Variants in CCSER1 observed in about 807,000 individuals in gnomAD.
The protein encoded by CCSER1 is serine-rich coiled-coil domain-containing protein 1.
A neutral mutation model predicts 82.0 loss-of-function variants in CCSER1; 41 were observed. The ratio of observed to expected loss-of-function variants is 0.50; its 90% CI spans 0.39 to 0.65. The LOEUF (loss-of-function observed/expected upper bound fraction) is 0.65. Ranked by LOEUF, CCSER1 falls within the 30% of genes least tolerant of loss-of-function variation. The probability of loss-of-function intolerance (pLI) is 0.00; values close to 1 mark genes in which losing one functional copy is unlikely to be tolerated. For missense variants in CCSER1, 1,119 were observed against 1,064.2 expected (o/e 1.05, Z -0.72); for synonymous variants, 414 against 383.9 (o/e 1.08, Z -0.92).
chr4:90,371,233 A>G (rs904608716), intron 3 of CCSER1, among the ~76,000 whole-genome samples: 1 of 152,208 alleles, frequency 6.6e-6, no homozygotes, highest in African/African-American at 2.4e-5. Flanking sequence ...CAAGAAATTC[A>G]GTATCCTTCC....
At chr4:90,273,130 G>A (rs1726895059) in intron 1 of CCSER1, among the ~76,000 whole-genome samples, 1 of 152,118 alleles carries the variant, frequency 6.6e-6, no homozygotes, top group Admixed American at 6.6e-5. Flanking sequence ...AACTTTGCAT[G>A]TTCTCACTTA....
intron 9 of CCSER1, among the ~76,000 whole-genome samples, chr4:91,026,061 C>A (rs1740462496): frequency 6.6e-6 from 1 of 152,048 alleles, no homozygotes; most frequent in Admixed American, 6.6e-5. Context: ...TGTAAATTGA[C>A]CATGGAAGGC....
intron 3 of CCSER1, among the ~76,000 whole-genome samples, chr4:90,324,594 C>T (rs1035238251): frequency 2.3e-4 from 34 of 150,340 alleles, no homozygotes; most frequent in South Asian, 4.3e-4. Context: ...GAGTAGGTTG[C>T]GAAAATTTTC....
intron 10 of CCSER1, among the ~76,000 whole-genome samples, chr4:91,534,339 A>G (rs1210447980): frequency 1.3e-5 from 2 of 152,036 alleles, no homozygotes; most frequent in African/African-American, 4.8e-5. Flanking sequence ...AACCTAAGTT[A>G]TAATGGTTTT....
chr4:90,753,212 A>G (rs987741609), intron 7 of CCSER1, among the ~76,000 whole-genome samples: 3 of 152,118 alleles, frequency 2.0e-5, no homozygotes, highest in African/African-American at 7.2e-5. Context: ...TAATGGTGTA[A>G]GGATCCTTTG....
At chr4:91,098,897 A>C (rs1271638468) in intron 10 of CCSER1, among the ~76,000 whole-genome samples, 1 of 152,170 alleles carries the variant, frequency 6.6e-6, no homozygotes, top group Non-Finnish European at 1.5e-5. Context: ...CCAAGACTAG[A>C]ACTAAAATTG....
At chr4:90,917,311 T>A (rs1727619666) in intron 8 of CCSER1, among the ~76,000 whole-genome samples, 1 of 152,124 alleles carries the variant, frequency 6.6e-6, no homozygotes, top group Admixed American at 6.5e-5. Context: ...GTGGCACATA[T>A]ACACCATGGA....
intron 7 of CCSER1, among the ~76,000 whole-genome samples, chr4:90,793,379 A>G (rs150395251): frequency 3.7e-4 from 56 of 152,178 alleles, no homozygotes; most frequent in African/African-American, 1.3e-3. Context: ...GTTCCCCACT[A>G]TGTGTCCATG....
rs553612868 is a variant in CCSER1 at position 90,467,495 on chromosome 4, C to T, written c.1604-739C>T. ...GGTCAGGAGTTCAAGACCAGCCTGG[C>T]CAACCTGGCAAAATCCCATCTCTAC... is the stretch of plus-strand genomic sequence containing the variant. On this transcript the variant is annotated intron_variant, in intron 4 of 10. Coordinates refer to ENST00000509176, the MANE Select transcript of CCSER1 (RefSeq NM_001145065.2). Among the ~76,000 whole-genome samples the T allele has an allele frequency of 3.3e-5, 5 of 152,066 alleles. No homozygotes were observed. In the South Asian group the frequency reaches 1.0e-3, roughly 32 times the overall value.
intron 1 of CCSER1, among the ~76,000 whole-genome samples, chr4:90,298,614 T>C (rs2153472625): frequency 6.6e-6 from 1 of 152,246 alleles, no homozygotes. Context: ...CTTTCCTGCT[T>C]CCTCTTGTGG....
intron 3 of CCSER1, among the ~76,000 whole-genome samples, chr4:90,386,874 A>G (rs1750141462): frequency 6.6e-6 from 1 of 152,220 alleles, no homozygotes; most frequent in Non-Finnish European, 1.5e-5. Context: ...CACCTAATGT[A>G]AAGTAGCTGT....
chr4:91,049,914 CG>C (rs1742848303), intron 9 of CCSER1, among the ~76,000 whole-genome samples: 1 of 152,198 alleles, frequency 6.6e-6, no homozygotes, highest in Admixed American at 6.5e-5. Context: ...TCAGAAGTCT[CG>C]GGCACTGGCC....
At chr4:90,910,122 G>A (rs1350679881) in intron 8 of CCSER1, among the ~76,000 whole-genome samples, 1 of 152,146 alleles carries the variant, frequency 6.6e-6, no homozygotes, top group Non-Finnish European at 1.5e-5. Context: ...GAGAAAGAGA[G>A]AGCAAAGTGG....
intron 10 of CCSER1, among the ~76,000 whole-genome samples, chr4:91,437,735 G>T (rs564455836): frequency 2.0e-5 from 3 of 152,216 alleles, no homozygotes; most frequent in African/African-American, 7.2e-5. Flanking sequence ...GTCAAAGAAA[G>T]GGGTGACAGA....
intron 1 of CCSER1, among the ~76,000 whole-genome samples, chr4:90,276,222 CTTTCTTTCTTTCTTTCTTTCTTTCTTTCT>C (rs1727576860): frequency 5.1e-5 from 5 of 97,932 alleles, no homozygotes; most frequent in African/African-American, 2.0e-4. Flanking sequence ...TTCTTTCTTT[CTTTCTTTCTTTCTTTCTTTCTTTCTTTCT>C]TTCCTTCCTT....
intron 5 of CCSER1, among the ~76,000 whole-genome samples, chr4:90,498,974 ATC>A (rs1166986089): frequency 6.6e-6 from 1 of 152,170 alleles, no homozygotes; most frequent in Non-Finnish European, 1.5e-5. Context: ...GTTTTAAAAA[ATC>A]TCTCTGCAAT....
chr4:90,427,640 T>C (rs1256101834), intron 4 of CCSER1, among the ~76,000 whole-genome samples: 1 of 151,604 alleles, frequency 6.6e-6, no homozygotes, highest in East Asian at 1.9e-4. Flanking sequence ...GAGTACAGTT[T>C]TAATGTAGTT....
chr4:90,484,106 G>A (rs555979265), intron 5 of CCSER1, among the ~76,000 whole-genome samples: 25 of 152,022 alleles, frequency 1.6e-4, no homozygotes, highest in Middle Eastern at 3.4e-3. Flanking sequence ...TTCTCTTCAC[G>A]CTTCATTTCA....
intron 5 of CCSER1, among the ~76,000 whole-genome samples, chr4:90,564,526 T>C (rs1220223122): frequency 6.6e-6 from 1 of 152,214 alleles, no homozygotes; most frequent in Admixed American, 6.5e-5. Flanking sequence ...TTTTGTCATT[T>C]GATTAATTCC....
Sources: gnomAD v4.1 joint callset for allele counts (sites outside exome capture counted in the v4.1 genomes callset) on GRCh38, gnomAD v4.1.1 for gene constraint, MANE v1.5 for transcripts, NCBI Gene and HGNC (gene_info 2026-07-23, HGNC 2026-07-21) for gene names.